The following SRCAP variants were observed in gnomAD, a reference collection of about 807,000 sequenced individuals.
The protein encoded by SRCAP is chromatin remodeling protein SRCAP.
A neutral mutation model predicts 263.1 loss-of-function variants in SRCAP; 46 were observed. That is an observed-to-expected ratio of 0.17 (90% CI 0.14 to 0.22). The LOEUF is 0.22. SRCAP is among the 10% of genes least tolerant of loss of function. SRCAP has a pLI of 1.00. For synonymous variants in SRCAP, 1,813 were observed against 1,662.1 expected (o/e 1.09, Z -2.21); for missense variants, 3,695 against 4,181.9 (o/e 0.88, Z 3.21).
At position 30,732,190 on chromosome 16, in the gene SRCAP, G is replaced by A. The variant is rs577601779; in HGVS notation, c.6128-1090G>A. Among the ~76,000 whole-genome samples the A allele has an allele frequency of 4.6e-5, 7 of 151,944 alleles. No individual in the cohort carries two copies. In the South Asian group the frequency reaches 1.0e-3, roughly 23 times the overall value. ...GTTCAGGCTGGGCACGGTGGCTCAC[G>A]CCTGTAATCCCAGCACTTTGGGAGG... On this transcript the variant is annotated intron_variant, in intron 27 of 33. Transcript: ENST00000262518.
At chr16:30,712,644 A>T in intron 13 of SRCAP, 35 bp from the exon 14 acceptor site, 1 of 1,613,328 alleles carries the variant, frequency 6.2e-7, no homozygotes, top group Non-Finnish European at 8.5e-7. Flanking sequence ...CAGAATTTAC[A>T]TTTCCTTACC....
chr16:30,729,292 T>G, intron 26 of SRCAP, 61 bp downstream of exon 26: 1 of 1,602,714 alleles, frequency 6.2e-7, no homozygotes, highest in South Asian at 1.1e-5. Context: ...GATGTAGTGC[T>G]TAGGGCTGGT....
rs755157423 is a variant in SRCAP, at chr16:30,721,381, C to T, written c.3446C>T (p.Thr1149Ile). The T allele has an allele frequency of 1.2e-6, 2 of 1,614,040 alleles. No homozygotes were observed. The highest frequency in any genetic ancestry group is 2.2e-5 in the East Asian group (1 of 44,886). Residue 1149 changes from threonine to isoleucine, a missense_variant, in exon 21 of 34, where the codon ACC becomes ATC. Around this residue, in one of 12 missense-constraint regions of SRCAP, gnomAD observed 1,347 missense variants for 1,304.4 expected, o/e 1.03. Coordinates refer to ENST00000262518, the MANE Select transcript of SRCAP (RefSeq NM_006662.3). Reference protein sequence around the residue: ...FPPAAATTTSTTTATATTTAV... With the variant: ...FPPAAATTTSITTATATTTAV... ...CCTGCTGCTGCCACCACCACTTCTA[C>T]CACCACGGCAACTGCTACCACCACA... is the stretch of plus-strand genomic sequence containing the variant.
chr16:30,708,387 C>A (rs941582347), intron 6 of SRCAP, among the ~76,000 whole-genome samples: 3 of 152,030 alleles, frequency 2.0e-5, no homozygotes, highest in Admixed American at 6.6e-5. Flanking sequence ...TAAAAAAATT[C>A]TTTTTAATTT....
At position 30,739,910 on chromosome 16, in the gene SRCAP, A is replaced by ACTGTGATGATCCCCATT; in HGVS notation, c.*177_*178insCTGTGATGATCCCCATT. 1 of 1,034,646 alleles carries ACTGTGATGATCCCCATT rather than the reference A, an allele frequency of 9.7e-7. No individual in the cohort carries two copies. Among genetic ancestry groups the ACTGTGATGATCCCCATT allele is most frequent in the Non-Finnish European group, 1.3e-6 (1 of 756,016 alleles). The allele number at this position is 1,034,646 out of a possible 1,614,324, so 64.1% of individuals were successfully genotyped here. On this transcript the variant is annotated 3_prime_UTR_variant, in exon 34 of 34. Transcript: ENST00000262518. Reference sequence around the variant, plus strand: ...GCAACTGGTTGTCATGGAAATGGGGATCATCACAGTCCCCTTCCCCTTCAC... The same window carrying ACTGTGATGATCCCCATT: ...GCAACTGGTTGTCATGGAAATGGGGACTGTGATGATCCCCATTTCATCACAGTCCCCTTCCCCTTCAC...
At chr16:30,721,734 C>G (rs1301045805) in intron 21 of SRCAP, among the ~76,000 whole-genome samples, 1 of 152,160 alleles carries the variant, frequency 6.6e-6, no homozygotes, top group Non-Finnish European at 1.5e-5. Flanking sequence ...GGCATTATGC[C>G]AGACATTGTC....
In SRCAP at chr16:30,722,610, A is replaced by G. The variant is rs769844641; in HGVS notation, c.3754A>G (p.Ser1252Gly). Residue 1252 changes from serine (S) to glycine (G), a missense_variant, in exon 23 of 34, where the codon AGC (serine) becomes GGC (glycine). Around this residue, in one of 12 missense-constraint regions of SRCAP, gnomAD observed 1,347 missense variants for 1,304.4 expected, o/e 1.03. Transcript: ENST00000262518. ...AGCAGGGGGGCAGCACCATCTCATC[A>G]GCCAGCCTGCCCATGTGGCCCTCAT... ...VSAGGQHHLI[S>G]QPAHVALIQA... 1.2e-6 allele frequency: 2 copies of G among 1,613,964 alleles called. No homozygotes were observed. Among genetic ancestry groups the G allele is most frequent in the Non-Finnish European group, 1.7e-6 (2 of 1,179,968 alleles).
chr16:30,725,012 C>T lies in SRCAP; in HGVS notation c.5588C>T (p.Thr1863Ile). The T allele has an allele frequency of 6.2e-7, 1 of 1,614,174 alleles. No individual in the cohort carries two copies. Among genetic ancestry groups the T allele is most frequent in the Non-Finnish European group, 8.5e-7 (1 of 1,180,026 alleles). Residue 1863 changes from threonine (T) to isoleucine (I), a missense_variant, in exon 25 of 34, where the codon ACT (threonine) becomes ATT (isoleucine). Coordinates refer to ENST00000262518, the MANE Select transcript of SRCAP (RefSeq NM_006662.3). ...TCTGGTCCCCCCAGCCCTCCCTCCACTGCTACCTCGTTTGGTGGCCCCCGG... is the reference window on the plus strand; with the variant it reads ...TCTGGTCCCCCCAGCCCTCCCTCCATTGCTACCTCGTTTGGTGGCCCCCGG... Reference protein sequence around the residue: ...LRSGPPSPPSTATSFGGPRPR... With the variant: ...LRSGPPSPPSIATSFGGPRPR...
At chr16:30,704,371 A>T in intron 4 of SRCAP, 56 bp downstream of exon 4, 1 of 1,523,996 alleles carries the variant, frequency 6.6e-7, no homozygotes, top group East Asian at 2.3e-5. Context: ...GTAAACTCCC[A>T]CGTCCTCTTG....
intron 3 of SRCAP, among the ~76,000 whole-genome samples, chr16:30,703,149 CTATA>C (rs368190667): frequency 1.3e-4 from 19 of 143,388 alleles, no homozygotes; most frequent in African/African-American, 4.4e-4. Context: ...AAATCATATG[CTATA>C]TATATATATA....
At chr16:30,705,691 G>A (rs1336832043) in intron 4 of SRCAP, among the ~76,000 whole-genome samples, 2 of 146,508 alleles carry the variant, frequency 1.4e-5, no homozygotes, top group East Asian at 2.1e-4. Flanking sequence ...GAGCCACTGC[G>A]CCCGGCCACA....
In SRCAP at chr16:30,720,147, T is replaced by G. The variant is rs769499061; in HGVS notation, c.2818-15T>G. 97 of 1,598,518 alleles carry G rather than the reference T, an allele frequency of 6.1e-5. 1 individual carries two copies. The highest frequency in any genetic ancestry group is 3.3e-4 in the Middle Eastern group (2 of 5,992). ...TTTGTTCTTCTTTATGACTGTGCTT[T>G]CTTTCTTGTGGCAGCGGATAGACAT... On this transcript the variant is annotated splice_polypyrimidine_tract_variant and intron_variant, in intron 18 of 33. Transcript: ENST00000262518.
chr16:30,721,203 CT>C lies in SRCAP; in HGVS notation c.3269del (p.Leu1090ArgfsTer4). On this transcript the variant is annotated frameshift_variant, in exon 21 of 34. Transcript: ENST00000262518. LOFTEE classifies it high-confidence loss of function. The stretch of plus-strand genomic sequence containing the variant: ...TGTGTCTGCAGTGTTGCCATCCCCC[CT>C]GGGGGTCCTGAGTGGGACCTCACGG... ...GSLPQVLPSP[L>X]GVLSGTSRPP... The C allele has an allele frequency of 6.2e-7, 1 of 1,610,226 alleles. No homozygotes were observed. Among genetic ancestry groups the C allele is most frequent in the Non-Finnish European group, 8.5e-7 (1 of 1,177,874 alleles).
In SRCAP at chr16:30,729,036, C is replaced by T; in HGVS notation, c.5729C>T (p.Ala1910Val). 1.2e-6 allele frequency: 2 copies of T among 1,614,186 alleles called. No homozygotes were observed. The highest frequency in any genetic ancestry group is 1.7e-6 in the Non-Finnish European group (2 of 1,180,024). Residue 1910 changes from alanine to valine, a missense_variant, in exon 26 of 34, where the codon GCT (alanine) becomes GTT (valine). By Grantham distance (64) the Ala-to-Val change is moderately conservative. Coordinates refer to ENST00000262518, the MANE Select transcript of SRCAP (RefSeq NM_006662.3). ...RLERIFQLSE[A>V]HGALAPVYGT... is the part of the protein sequence containing the mutation. ...GAACGGATTTTCCAACTTAGTGAGG[C>T]TCATGGGGCCCTGGCACCTGTGTAT... is the stretch of plus-strand genomic sequence containing the variant.
chr16:30,729,407 C>T lies in SRCAP; in HGVS notation c.5962C>T (p.Pro1988Ser). 1.2e-6 allele frequency: 2 copies of T among 1,614,188 alleles called. No individual in the cohort carries two copies. Among genetic ancestry groups the T allele is most frequent in the South Asian group, 2.2e-5 (2 of 91,082 alleles). The change falls in exon 27 of 34, where the codon CCT becomes TCT. Residue 1988 changes from proline (P) to serine (S), a missense_variant. Around this residue, in one of 12 missense-constraint regions of SRCAP, gnomAD observed 1,347 missense variants for 1,304.4 expected, o/e 1.03. Coordinates refer to ENST00000262518, the MANE Select transcript of SRCAP (RefSeq NM_006662.3). ...FVMPPVEAPP[P>S]SLHACHPPPW... ...CATGCCTCCTGTGGAGGCACCTCCC[C>T]CTTCCCTGCATGCCTGCCACCCACC...
chr16:30,711,762 A>T lies in SRCAP; in HGVS notation c.1492+18A>T. The T allele has an allele frequency of 6.2e-7, 1 of 1,610,886 alleles. No individual in the cohort carries two copies. Among genetic ancestry groups the T allele is most frequent in the Non-Finnish European group, 8.5e-7 (1 of 1,177,684 alleles). ...TCAGTCAGGTGAATATGTGGTCATG[A>T]AGCAGGAGCTGGGGAGGGTGGCCAT... On this transcript the variant is annotated intron_variant, in intron 11 of 33. Transcript: ENST00000262518.
At chr16:30,715,976 G>A (rs1596650533) in intron 16 of SRCAP, 90 bp from the exon 17 acceptor site, 26 of 1,534,884 alleles carry the variant, frequency 1.7e-5, no homozygotes, top group South Asian at 1.3e-4. Flanking sequence ...ATGGTGTGCC[G>A]TATGACTCCA....
Position 30,729,668 on chromosome 16 carries a change from C to G in SRCAP, c.6127+96C>G, listed in dbSNP as rs550154542. ...GGGATGCTGCACTTAAGTTCTCTTG[C>G]GATTTCTGTAAAGCTTTAGATGGTT... On this transcript the variant is annotated intron_variant, in intron 27 of 33. Transcript: ENST00000262518. 7.9e-5 allele frequency: 113 copies of G among 1,438,304 alleles called. No homozygotes were observed. In the Middle Eastern group the frequency reaches 8.9e-4, roughly 11 times the overall value. 89.1% of individuals were successfully genotyped at this position (1,438,304 alleles called of 1,614,324 possible).
chr16:30,724,431 G>T lies in SRCAP; in HGVS notation c.5007G>T (p.Pro1669=). The part of the protein sequence containing the change: ...STQTMLPAPV[P]SPLPSPASTQ... Reference sequence around the variant, plus strand: ...AAACTATGCTACCAGCCCCGGTTCCGTCACCTCTCCCGAGCCCGGCTTCTA... The same window carrying T: ...AAACTATGCTACCAGCCCCGGTTCCTTCACCTCTCCCGAGCCCGGCTTCTA... Residue 1669 remains proline, a synonymous_variant, in exon 25 of 34, where the codon CCG becomes CCT. Transcript: ENST00000262518. The T allele has an allele frequency of 1.2e-6, 2 of 1,614,098 alleles. No individual in the cohort carries two copies. Among genetic ancestry groups the T allele is most frequent in the South Asian group, 2.2e-5 (2 of 91,082 alleles).
Sources: allele counts gnomAD v4.1 joint callset (sites outside exome capture counted in the v4.1 genomes callset), GRCh38; gene constraint gnomAD v4.1.1; regional missense constraint gnomAD v4.1.1; transcripts MANE v1.5; gene names NCBI Gene and HGNC (gene_info 2026-07-23, HGNC 2026-07-21).